Variants in AKT3 observed in about 807,000 individuals in gnomAD.
AKT3 encodes RAC-gamma serine/threonine-protein kinase.
AKT3 carries 15 observed loss-of-function variants against 65.3 expected under a neutral mutation model. That is an observed-to-expected ratio of 0.23 (90% CI 0.15 to 0.35). AKT3 has a LOEUF of 0.35. AKT3 is among the 10% of genes least tolerant of loss of function. The probability of loss-of-function intolerance (pLI) is 1.00; values close to 1 mark genes in which losing one functional copy is unlikely to be tolerated. For missense variants in AKT3, 243 were observed against 576.5 expected, an observed-to-expected ratio of 0.42 and a Z score of 5.92; for synonymous variants, 206 against 183.8, an observed-to-expected ratio of 1.12 and a Z score of -0.98.
At chr1:243,551,468 T>C (rs1259745838) in intron 11 of AKT3, among the ~76,000 whole-genome samples, 2 of 152,146 alleles carry the variant, frequency 1.3e-5, no homozygotes, top group Non-Finnish European at 2.9e-5. Flanking sequence ...TAAAGCCATG[T>C]TCCTTACAAG....
In AKT3 at chr1:243,742,457, G is replaced by A. The variant is rs139890326; in HGVS notation, c.47-46741C>T. Among the ~76,000 whole-genome samples the A allele has an allele frequency of 1.7e-3, 259 of 151,948 alleles. 6 individuals carry two copies. In the East Asian group the frequency reaches 0.028, roughly 16 times the overall value. ...CTGGCCAATATGGCGAAACCCCGTC[G>A]CTACTAAAAATACAAAAATTAGCCG... is the stretch of plus-strand genomic sequence containing the variant. On this transcript the variant is annotated intron_variant, in intron 2 of 13. Transcript: ENST00000673466.
chr1:243,619,958 C>T (rs1678612693), intron 6 of AKT3, among the ~76,000 whole-genome samples: 1 of 98,452 alleles, frequency 1.0e-5, no homozygotes, highest in African/African-American at 2.6e-5. Flanking sequence ...TTCCCTTTAG[C>T]ATCTGTGATT....
intron 2 of AKT3, among the ~76,000 whole-genome samples, chr1:243,706,796 A>G (rs970039386): frequency 1.1e-4 from 16 of 152,208 alleles, no homozygotes; most frequent in African/African-American, 3.1e-4. Flanking sequence ...CCCTCTTCAC[A>G]GCAACACTGA....
intron 5 of AKT3, among the ~76,000 whole-genome samples, chr1:243,642,738 G>C (rs564007835): frequency 6.6e-6 from 1 of 152,102 alleles, no homozygotes; most frequent in Admixed American, 6.5e-5. Flanking sequence ...ACATGTTTAC[G>C]TGGCTGTTTT....
At position 243,501,271 on chromosome 1, in the gene AKT3, T is replaced by G. The variant is rs1378147453; in HGVS notation, c.*3978A>C. On this transcript the variant is annotated 3_prime_UTR_variant, in exon 14 of 14. Transcript: ENST00000673466. ...CTGCAGTCCAGCCATCCTACCCATC[T>G]ACATCACCCACGTCTAAGTTTGTTA... The G allele has an allele frequency of 4.3e-6, 1 of 232,942 alleles. No homozygotes were observed. The highest frequency in any genetic ancestry group is 8.5e-6 in the Non-Finnish European group (1 of 117,882). 14.4% of individuals were successfully genotyped at this position (232,942 alleles called of 1,614,324 possible). A position where few individuals can be genotyped will look rare whatever the true frequency, so the allele number is the denominator to read the frequency against.
intron 2 of AKT3, among the ~76,000 whole-genome samples, chr1:243,812,827 A>G (rs1200483993): frequency 6.6e-6 from 1 of 152,124 alleles, no homozygotes; most frequent in Non-Finnish European, 1.5e-5. Flanking sequence ...ATACCATGGA[A>G]TACTATGCAG....
chr1:243,554,394 C>G (rs1673274497), intron 10 of AKT3, among the ~76,000 whole-genome samples: 1 of 151,852 alleles, frequency 6.6e-6, no homozygotes, highest in Non-Finnish European at 1.5e-5. Context: ...CACAAACTAA[C>G]AAAAAAACAT....
intron 12 of AKT3, among the ~76,000 whole-genome samples, chr1:243,532,825 T>C (rs566336852): frequency 6.6e-6 from 1 of 152,312 alleles, no homozygotes; most frequent in Admixed American, 6.5e-5. Context: ...TTTATTTCTT[T>C]AAGAGTTACG....
At chr1:243,681,143 T>A (rs748858577) in intron 3 of AKT3, among the ~76,000 whole-genome samples, 2 of 152,170 alleles carry the variant, frequency 1.3e-5, no homozygotes, top group Non-Finnish European at 2.9e-5. Context: ...GGAAATTCCA[T>A]GAACCTAGTT....
At chr1:243,642,479 T>G (rs560732699) in intron 5 of AKT3, among the ~76,000 whole-genome samples, 15 of 152,274 alleles carry the variant, frequency 9.9e-5, no homozygotes, top group Admixed American at 2.0e-4. Flanking sequence ...CTGGTTAATT[T>G]TTTGTATTTT....
intron 13 of AKT3, among the ~76,000 whole-genome samples, chr1:243,508,438 C>G (rs1669807432): frequency 6.6e-6 from 1 of 152,194 alleles, no homozygotes; most frequent in South Asian, 2.1e-4. Flanking sequence ...TAGTCTTTGC[C>G]TGGGCATACT....
At chr1:243,692,748 T>A (rs531331058) in intron 3 of AKT3, among the ~76,000 whole-genome samples, 10 of 151,646 alleles carry the variant, frequency 6.6e-5, no homozygotes, top group South Asian at 6.3e-4. Context: ...AAAAAAAAAA[T>A]TTATGTGTTT....
At chr1:243,846,821 T>A (rs987134898) in intron 1 of AKT3, among the ~76,000 whole-genome samples, 2 of 152,210 alleles carry the variant, frequency 1.3e-5, no homozygotes, top group Non-Finnish European at 2.9e-5. Flanking sequence ...TTAGGAAAGT[T>A]TAAATAAAAG....
At chr1:243,840,459 C>G (rs1205088848) in intron 2 of AKT3, among the ~76,000 whole-genome samples, 4 of 152,088 alleles carry the variant, frequency 2.6e-5, no homozygotes, top group East Asian at 1.9e-4. Flanking sequence ...CACATGTATA[C>G]CTATGTAACA....
Position 243,552,956 on chromosome 1 carries a change from T to C in AKT3, c.949-13A>G, listed in dbSNP as rs1401005837. The C allele has an allele frequency of 2.6e-6, 4 of 1,553,802 alleles. No individual in the cohort carries two copies. Among genetic ancestry groups the C allele is most frequent in the Non-Finnish European group, 3.5e-6 (4 of 1,144,792 alleles). On this transcript the variant is annotated splice_polypyrimidine_tract_variant and intron_variant, in intron 10 of 13. Coordinates refer to ENST00000673466, the MANE Select transcript of AKT3 (RefSeq NM_005465.7). ...TATCTTCTAACACCTAAAAGTGAAA[T>C]CAGTAAAAAGATTAATTATTACATG...
intron 2 of AKT3, among the ~76,000 whole-genome samples, chr1:243,819,066 C>T (rs893527495): frequency 1.3e-5 from 2 of 152,360 alleles, no homozygotes; most frequent in Admixed American, 6.5e-5. Flanking sequence ...CAGGGCCTTG[C>T]GTGCCAAGCG....
chr1:243,624,840 T>C, intron 6 of AKT3: 1 of 208,338 alleles, frequency 4.8e-6, no homozygotes, highest in Non-Finnish European at 1.1e-5. Context: ...CTGTAGTGGT[T>C]TCATCAAACT....
At chr1:243,728,349 A>G (rs1687343534) in intron 2 of AKT3, among the ~76,000 whole-genome samples, 1 of 152,246 alleles carries the variant, frequency 6.6e-6, no homozygotes. Context: ...AGAAACCGCC[A>G]AAGTTCTAAC....
chr1:243,596,658 A>G (rs968609984), intron 8 of AKT3, among the ~76,000 whole-genome samples: 4 of 152,224 alleles, frequency 2.6e-5, no homozygotes, highest in Admixed American at 2.0e-4. Context: ...ATGACACAAC[A>G]GTTTTAAATT....
Sources: gnomAD v4.1 joint callset for allele counts (sites outside exome capture counted in the v4.1 genomes callset) on GRCh38, gnomAD v4.1.1 for gene constraint, MANE v1.5 for transcripts, NCBI Gene and HGNC (gene_info 2026-07-23, HGNC 2026-07-21) for gene names.